The following CADM2 variants were observed in gnomAD, a reference collection of about 807,000 sequenced individuals.
CADM2 encodes cell adhesion molecule 2.
CADM2 carries 12 observed loss-of-function variants against 49.8 expected under a neutral mutation model. That is an observed-to-expected ratio of 0.24 (90% CI 0.15 to 0.39). CADM2 has a LOEUF of 0.39. Ranked by LOEUF, CADM2 falls within the 10% of genes least tolerant of loss-of-function variation. The probability of loss-of-function intolerance (pLI) is 1.00; values close to 1 mark genes in which losing one functional copy is unlikely to be tolerated. For synonymous variants in CADM2, 214 were observed against 175.4 expected, an observed-to-expected ratio of 1.22 and a Z score of -1.74; for missense variants, 378 against 492.3, an observed-to-expected ratio of 0.77 and a Z score of 2.20.
chr3:85,654,931 G>GA (rs1217640998), intron 1 of CADM2, among the ~76,000 whole-genome samples: 2 of 152,078 alleles, frequency 1.3e-5, no homozygotes, highest in Admixed American at 6.6e-5. Flanking sequence ...TGTAGAGTTG[G>GA]AAAAAACTTA....
At chr3:85,449,049 C>CAAAAATAATAATAAT (rs1553724914) in intron 1 of CADM2, among the ~76,000 whole-genome samples, 1 of 41,530 alleles carries the variant, frequency 2.4e-5, no homozygotes, top group Non-Finnish European at 5.8e-5. Flanking sequence ...GACTCCAACT[C>CAAAAATAATAATAAT]AAAAATAATA....
intron 5 of CADM2, among the ~76,000 whole-genome samples, chr3:85,888,609 T>G (rs1559723664): frequency 6.6e-6 from 1 of 152,194 alleles, no homozygotes; most frequent in Non-Finnish European, 1.5e-5. Context: ...TGTCTATCTA[T>G]GTATCTATGT....
At chr3:85,839,434 T>C (rs1577445201) in intron 3 of CADM2, among the ~76,000 whole-genome samples, 1 of 151,882 alleles carries the variant, frequency 6.6e-6, no homozygotes, top group Non-Finnish European at 1.5e-5. Flanking sequence ...AAAAGGCTAA[T>C]CACACATAAT....
intron 5 of CADM2, among the ~76,000 whole-genome samples, chr3:85,890,701 T>C (rs1473262185): frequency 6.6e-6 from 1 of 151,904 alleles, no homozygotes; most frequent in East Asian, 1.9e-4. Flanking sequence ...ACTTTTTTTT[T>C]TCTTTTTTTC....
intron 1 of CADM2, among the ~76,000 whole-genome samples, chr3:85,302,203 T>A (rs1338668773): frequency 2.0e-5 from 3 of 152,084 alleles, no homozygotes; most frequent in Non-Finnish European, 4.4e-5. Context: ...TGTTTAAGTC[T>A]GAACAGCCTA....
At chr3:85,932,961 T>C (rs560944954) in intron 6 of CADM2, among the ~76,000 whole-genome samples, 1 of 152,286 alleles carries the variant, frequency 6.6e-6, no homozygotes, top group African/African-American at 2.4e-5. Context: ...GTGTCAGATC[T>C]AAAGGGAATG....
At chr3:85,345,149 T>C (rs1289430320) in intron 1 of CADM2, among the ~76,000 whole-genome samples, 1 of 151,416 alleles carries the variant, frequency 6.6e-6, no homozygotes, top group Non-Finnish European at 1.5e-5. Context: ...GTCTTGTCTC[T>C]ACTAAAAATA....
At chr3:85,935,981 A>T in intron 7 of CADM2, 124 bp downstream of exon 7, 4 of 518,852 alleles carry the variant, frequency 7.7e-6, no homozygotes, top group Admixed American at 3.1e-5. Flanking sequence ...GATCTCTAGA[A>T]CAGAAAACCT....
intron 1 of CADM2, among the ~76,000 whole-genome samples, chr3:85,689,552 T>C (rs1341106178): frequency 6.6e-6 from 1 of 152,116 alleles, no homozygotes; most frequent in Non-Finnish European, 1.5e-5. Flanking sequence ...TTATCCAGAA[T>C]TATTGAGGGA....
At chr3:85,710,069 C>A (rs1181601348) in intron 1 of CADM2, among the ~76,000 whole-genome samples, 3 of 152,098 alleles carry the variant, frequency 2.0e-5, no homozygotes, top group Admixed American at 1.3e-4. Context: ...TTACTACATC[C>A]ACCACTGGGT....
chr3:85,774,041 C>T (rs987981152), intron 2 of CADM2, among the ~76,000 whole-genome samples: 1 of 151,752 alleles, frequency 6.6e-6, no homozygotes, highest in African/African-American at 2.4e-5. Flanking sequence ...AACCTTGGCA[C>T]GTAGCTTTTG....
intron 2 of CADM2, among the ~76,000 whole-genome samples, chr3:85,790,942 G>A (rs907890142): frequency 5.9e-5 from 9 of 152,266 alleles, no homozygotes; most frequent in East Asian, 1.9e-4. Flanking sequence ...GTGGATACCA[G>A]GTGTTGTACT....
At chr3:85,516,740 T>C (rs886532870) in intron 1 of CADM2, among the ~76,000 whole-genome samples, 1 of 152,044 alleles carries the variant, frequency 6.6e-6, no homozygotes, top group African/African-American at 2.4e-5. Flanking sequence ...GTAGTTCAAC[T>C]GGGGCAAATA....
At chr3:85,208,354 A>G (rs2041701430) in intron 1 of CADM2, among the ~76,000 whole-genome samples, 1 of 152,180 alleles carries the variant, frequency 6.6e-6, no homozygotes, top group Admixed American at 6.5e-5. Context: ...CAATAAAGGA[A>G]GGTGTATGAC....
intron 3 of CADM2, among the ~76,000 whole-genome samples, chr3:85,825,768 C>T (rs192050092): frequency 7.9e-5 from 12 of 151,942 alleles, no homozygotes; most frequent in East Asian, 1.9e-4. Context: ...TTAAAAATTT[C>T]GGTAGCTTTT....
intron 1 of CADM2, among the ~76,000 whole-genome samples, chr3:85,108,762 G>A (rs2038343314): frequency 6.6e-6 from 1 of 151,954 alleles, no homozygotes; most frequent in Admixed American, 6.6e-5. Context: ...ACAATAAATT[G>A]TTACAGGAAT....
chr3:85,523,418 A>G (rs1400072005), intron 1 of CADM2, among the ~76,000 whole-genome samples: 1 of 152,128 alleles, frequency 6.6e-6, no homozygotes, highest in African/African-American at 2.4e-5. Context: ...ACATAACTCA[A>G]GGCAGTTTGA....
At chr3:86,005,862 C>T (rs1199402868) in intron 8 of CADM2, among the ~76,000 whole-genome samples, 1 of 152,114 alleles carries the variant, frequency 6.6e-6, no homozygotes, top group African/African-American at 2.4e-5. Flanking sequence ...CCCCGCAACC[C>T]CCCGACAGGA....
intron 5 of CADM2, among the ~76,000 whole-genome samples, chr3:85,892,695 T>C (rs1043611766): frequency 6.6e-6 from 1 of 152,186 alleles, no homozygotes; most frequent in African/African-American, 2.4e-5. Flanking sequence ...TATAAATTAC[T>C]CATCTCAGGT....
Sources: gnomAD v4.1 joint callset for allele counts (sites outside exome capture counted in the v4.1 genomes callset) on GRCh38, gnomAD v4.1.1 for gene constraint, MANE v1.5 for transcripts, NCBI Gene and HGNC (gene_info 2026-07-23, HGNC 2026-07-21) for gene names.